SESTD1: variants seen among roughly 807,000 people sequenced by gnomAD.
SESTD1 encodes SEC14 and spectrin domain containing 1.
SESTD1 carries 43 observed loss-of-function variants against 101.7 expected under a neutral mutation model. That is an observed-to-expected ratio of 0.42 (90% CI 0.33 to 0.55). The LOEUF is 0.55. Among genes scored for constraint, SESTD1 ranks in the 20% least tolerant of loss-of-function variants. SESTD1 has a pLI of 0.07. For synonymous variants in SESTD1, 283 were observed against 286.8 expected (o/e 0.99, Z 0.13); for missense variants, 647 against 815.1 (o/e 0.79, Z 2.51).
intron 1 of SESTD1, among the ~76,000 whole-genome samples, chr2:179,196,745 G>T (rs1251192337): frequency 6.6e-6 from 1 of 152,108 alleles, no homozygotes; most frequent in African/African-American, 2.4e-5. Flanking sequence ...GCAGCTGAGG[G>T]TCCTGTCTGT....
chr2:179,199,647 C>T (rs983456083), intron 1 of SESTD1, among the ~76,000 whole-genome samples: 5 of 152,008 alleles, frequency 3.3e-5, no homozygotes, highest in Non-Finnish European at 7.4e-5. Flanking sequence ...AAGGCTGGTT[C>T]AATATACACA....
At chr2:179,136,859 C>T (rs2045157672) in intron 9 of SESTD1, among the ~76,000 whole-genome samples, 1 of 151,772 alleles carries the variant, frequency 6.6e-6, no homozygotes, top group East Asian at 1.9e-4. Flanking sequence ...TATCTCTTTG[C>T]CTCAAAAAAC....
intron 1 of SESTD1, among the ~76,000 whole-genome samples, chr2:179,196,002 C>T (rs781740292): frequency 4.6e-5 from 7 of 152,038 alleles, no homozygotes; most frequent in Admixed American, 3.9e-4. Context: ...CCAGCATGAA[C>T]GACACAGAAT....
rs987229800 is a variant in SESTD1, at chr2:179,101,774, T to C, written c.*8125A>G. 6.6e-6 allele frequency: 1 copy of C among 152,200 alleles called. No individual in the cohort carries two copies. Among genetic ancestry groups the C allele is most frequent in the Non-Finnish European group, 1.5e-5 (1 of 68,028 alleles). 9.4% of individuals were successfully genotyped at this position (152,200 alleles called of 1,614,324 possible). ...GTTTGAAACAGGTTTGTGGATACAA[T>C]GAAGCATCTAATGGAAAACCTAGAG... On this transcript the variant is annotated 3_prime_UTR_variant, in exon 18 of 18. Coordinates refer to ENST00000428443, the MANE Select transcript of SESTD1 (RefSeq NM_178123.5).
chr2:179,186,230 C>T (rs988854195), intron 2 of SESTD1, among the ~76,000 whole-genome samples: 32 of 151,960 alleles, frequency 2.1e-4, no homozygotes, highest in African/African-American at 7.5e-4. Flanking sequence ...TCTGAGTTGG[C>T]AGAGCTACAG....
At chr2:179,238,853 C>T (rs1421327227) in intron 1 of SESTD1, among the ~76,000 whole-genome samples, 5 of 152,050 alleles carry the variant, frequency 3.3e-5, no homozygotes, top group Non-Finnish European at 7.4e-5. Flanking sequence ...GACCTCTTTT[C>T]TCCTTCTTTT....
Position 179,206,766 on chromosome 2 carries a change from G to A in SESTD1, c.-25-14900C>T, listed in dbSNP as rs953695439. 1.5e-5 allele frequency among the ~76,000 whole-genome samples: 2 copies of A among 134,576 alleles called. 1 individual carries two copies. Among genetic ancestry groups the A allele is most frequent in the Admixed American group, 1.4e-4 (2 of 13,894 alleles). 88.3% of individuals were successfully genotyped at this position (134,576 alleles called of 152,430 possible). A position where few individuals can be genotyped will look rare whatever the true frequency, so the allele number is the denominator to read the frequency against. ...GCAGGCAGGGAGGTGAGAGACCTGA[G>A]AGCCCTGCTTGTTTTCTCAATGTGA... On this transcript the variant is annotated intron_variant, in intron 1 of 17. Coordinates refer to ENST00000428443, the MANE Select transcript of SESTD1 (RefSeq NM_178123.5).
At position 179,161,448 on chromosome 2, in the gene SESTD1, G is replaced by T. The variant is rs192835321; in HGVS notation, c.370-10057C>A. Among the ~76,000 whole-genome samples, 10 of 152,202 alleles carry T rather than the reference G, an allele frequency of 6.6e-5. No individual in the cohort carries two copies. The East Asian group carries it at 1.9e-3, about 29-fold the overall frequency. ...GAGGCCAAGGCGAGTGGATCACGAG[G>T]TCAAGAGATCCAGACCATCCTGGCC... On this transcript the variant is annotated intron_variant, in intron 5 of 17. Transcript: ENST00000428443.
At position 179,143,775 on chromosome 2, in the gene SESTD1, C is replaced by T. The variant is rs2045333782; in HGVS notation, c.666G>A (p.Gln222=). Residue 222 remains glutamine (Q), a synonymous_variant, in exon 9 of 18, where the codon CAG becomes CAA. Coordinates refer to ENST00000428443, the MANE Select transcript of SESTD1 (RefSeq NM_178123.5). The part of the protein sequence containing the change: ...TGHELLSELQ[Q]RRFNGSDGGV... ...CTCCGTCTGAGCCATTAAATCGACGCTGCTGTAATTCGGACAACAATTCAT... is the reference window on the plus strand; with the variant it reads ...CTCCGTCTGAGCCATTAAATCGACGTTGCTGTAATTCGGACAACAATTCAT... 3 of 1,613,698 alleles carry T rather than the reference C, an allele frequency of 1.9e-6. No individual in the cohort carries two copies. Among genetic ancestry groups the T allele is most frequent in the South Asian group, 1.1e-5 (1 of 91,070 alleles).
chr2:179,172,350 A>G (rs2045942011), intron 4 of SESTD1, 117 bp from the exon 5 acceptor site: 4 of 556,828 alleles, frequency 7.2e-6, no homozygotes, highest in Non-Finnish European at 1.2e-5. Flanking sequence ...GAGAAGAATT[A>G]AAATAATAAA....
At chr2:179,125,173 T>C (rs1420446104) in intron 10 of SESTD1, among the ~76,000 whole-genome samples, 1 of 152,152 alleles carries the variant, frequency 6.6e-6, no homozygotes, top group African/African-American at 2.4e-5. Flanking sequence ...CGTGTCATCA[T>C]ATACTACTAT....
At chr2:179,232,774 T>C (rs1011268159) in intron 1 of SESTD1, among the ~76,000 whole-genome samples, 5 of 152,154 alleles carry the variant, frequency 3.3e-5, no homozygotes, top group African/African-American at 9.7e-5. Context: ...AAAGAATATA[T>C]GCAGTGTTCT....
In SESTD1 at chr2:179,144,512, CAATTGTAG is replaced by C. The variant is rs1185922948; in HGVS notation, c.638-717_638-710del. ...AAATCCACTCATACATGAGAAACTA[CAATTGTAG>C]AATGTGCAACAACTAAAGCTGTAGA... On this transcript the variant is annotated intron_variant, in intron 8 of 17. Transcript: ENST00000428443. Among the ~76,000 whole-genome samples the C allele has an allele frequency of 9.9e-5, 15 of 152,066 alleles. No homozygotes were observed. The East Asian group carries it at 2.9e-3, about 29-fold the overall frequency.
chr2:179,156,348 C>T (rs2045630919), intron 5 of SESTD1, among the ~76,000 whole-genome samples: 1 of 151,932 alleles, frequency 6.6e-6, no homozygotes, highest in African/African-American at 2.4e-5. Context: ...GGGTAGATAC[C>T]CAGTAGTGGG....
At chr2:179,196,916 G>C (rs1213138214) in intron 1 of SESTD1, among the ~76,000 whole-genome samples, 1 of 152,196 alleles carries the variant, frequency 6.6e-6, no homozygotes, top group Non-Finnish European at 1.5e-5. Flanking sequence ...CTCCTCCAAA[G>C]GAACGCAGTT....
chr2:179,243,613 T>G (rs539714083), intron 1 of SESTD1, among the ~76,000 whole-genome samples: 1 of 152,274 alleles, frequency 6.6e-6, no homozygotes, highest in East Asian at 1.9e-4. Flanking sequence ...TGCAGCAATA[T>G]GGATGCAGCT....
intron 13 of SESTD1, among the ~76,000 whole-genome samples, chr2:179,121,417 G>A (rs2044747428): frequency 6.6e-6 from 1 of 152,040 alleles, no homozygotes; most frequent in Non-Finnish European, 1.5e-5. Flanking sequence ...TAGATGACAA[G>A]TTTAATGGCA....
Position 179,109,777 on chromosome 2 carries a change from C to A in SESTD1, c.*122G>T. ...TGTTAACATGTAAAGAGAAATGTGT[C>A]ATGAAAAGAAATGAGACTTATTTTG... On this transcript the variant is annotated 3_prime_UTR_variant, in exon 18 of 18. Transcript: ENST00000428443. 2 of 1,268,398 alleles carry A rather than the reference C, an allele frequency of 1.6e-6. No individual in the cohort carries two copies. The highest frequency in any genetic ancestry group is 3.1e-5 in the South Asian group (2 of 65,384). The allele number at this position is 1,268,398 out of a possible 1,614,324, so 78.6% of individuals were successfully genotyped here.
intron 1 of SESTD1, among the ~76,000 whole-genome samples, chr2:179,220,935 A>T (rs368843556): frequency 1.4e-4 from 22 of 152,326 alleles, no homozygotes; most frequent in African/African-American, 5.3e-4. Context: ...TGCATTCGGA[A>T]CAGAGGTTCA....
Sources: allele counts gnomAD v4.1 joint callset (sites outside exome capture counted in the v4.1 genomes callset), GRCh38; gene constraint gnomAD v4.1.1; transcripts MANE v1.5; gene names NCBI Gene and HGNC (gene_info 2026-07-23, HGNC 2026-07-21).